The following SYT1 variants were observed in gnomAD, a reference collection of about 807,000 sequenced individuals.
SYT1 encodes the protein synaptotagmin-1.
Under a neutral mutation model 44.8 loss-of-function variants are expected in SYT1, and 8 were observed. The observed-to-expected ratio is 0.18, with a 90% CI of 0.10 to 0.32. The LOEUF (loss-of-function observed/expected upper bound fraction) is 0.32, where lower values mean the gene tolerates loss of function less well. Among genes scored for constraint, SYT1 ranks in the 10% least tolerant of loss-of-function variants. The pLI is 1.00. For synonymous variants in SYT1, 154 were observed against 188.8 expected, an observed-to-expected ratio of 0.82 and a Z score of 1.51; for missense variants, 286 against 509.3, an observed-to-expected ratio of 0.56 and a Z score of 4.22.
At chr12:79,231,355 AT>A (rs1875855519) in intron 4 of SYT1, among the ~76,000 whole-genome samples, 1 of 152,104 alleles carries the variant, frequency 6.6e-6, no homozygotes, top group Non-Finnish European at 1.5e-5. Context: ...GATTAAGAAA[AT>A]ATTGGCCCAT....
intron 1 of SYT1, among the ~76,000 whole-genome samples, chr12:78,961,746 G>T (rs985656861): frequency 1.3e-5 from 2 of 152,124 alleles, no homozygotes; most frequent in African/African-American, 2.4e-5. Flanking sequence ...CATCCTTCCA[G>T]AAGATATAAG....
chr12:79,033,616 G>T (rs1038921588), intron 2 of SYT1, among the ~76,000 whole-genome samples: 1 of 151,174 alleles, frequency 6.6e-6, no homozygotes, highest in Admixed American at 6.6e-5. Context: ...CATTGAAGGG[G>T]GATCTAGAGT....
chr12:79,335,285 G>T (rs1474943849), intron 8 of SYT1, among the ~76,000 whole-genome samples: 1 of 151,966 alleles, frequency 6.6e-6, no homozygotes, highest in East Asian at 1.9e-4. Context: ...TTTATCCACA[G>T]AAAGCCTGTT....
At chr12:79,418,448 A>G (rs972739610) in intron 9 of SYT1, among the ~76,000 whole-genome samples, 1 of 152,072 alleles carries the variant, frequency 6.6e-6, no homozygotes, top group Admixed American at 6.6e-5. Context: ...GATTCTTTTA[A>G]CCAACATGTA....
intron 9 of SYT1, among the ~76,000 whole-genome samples, chr12:79,436,400 C>T (rs1014551862): frequency 6.6e-6 from 1 of 152,126 alleles, no homozygotes; most frequent in Admixed American, 6.6e-5. Flanking sequence ...GAGGCTGTTT[C>T]TTATCAAGAG....
intron 4 of SYT1, among the ~76,000 whole-genome samples, chr12:79,250,374 G>A (rs757895723): frequency 3.3e-5 from 5 of 152,002 alleles, no homozygotes; most frequent in South Asian, 2.1e-4. Flanking sequence ...ATATTCCTCC[G>A]TATTCCTAAT....
rs566186586 is a variant in SYT1 at position 79,003,590 on chromosome 12, T to C, written c.-84+25659T>C. Among the ~76,000 whole-genome samples the C allele has an allele frequency of 3.9e-5, 6 of 152,142 alleles. No individual in the cohort carries two copies. The South Asian group carries it at 1.2e-3, about 31-fold the overall frequency. ...ATGTAGTAGTAAAATAAACCTAGTA[T>C]GCATCATTGATTGGTTGTTGCTTCT... On this transcript the variant is annotated intron_variant, in intron 2 of 10. Transcript: ENST00000261205.
chr12:79,044,627 T>A (rs538194494), intron 2 of SYT1, among the ~76,000 whole-genome samples: 20 of 149,824 alleles, frequency 1.3e-4, no homozygotes, highest in African/African-American at 4.7e-4. Flanking sequence ...TTCTCTCAGC[T>A]CGTCAAAGTC....
At chr12:79,252,034 T>C (rs1331564566) in intron 4 of SYT1, among the ~76,000 whole-genome samples, 2 of 147,382 alleles carry the variant, frequency 1.4e-5, no homozygotes, top group Non-Finnish European at 3.0e-5. Flanking sequence ...TGTGTATCTA[T>C]ATATCTATGG....
At chr12:79,321,162 T>G (rs1342151770) in intron 8 of SYT1, among the ~76,000 whole-genome samples, 2 of 152,298 alleles carry the variant, frequency 1.3e-5, no homozygotes, top group East Asian at 3.9e-4. Flanking sequence ...AATTTGCAAA[T>G]TAGGAAACTG....
At chr12:79,212,507 A>G (rs56952656) in intron 3 of SYT1, among the ~76,000 whole-genome samples, 4,204 of 151,822 alleles carry the variant, frequency 0.028, 119 homozygotes, top group East Asian at 0.12. Flanking sequence ...TGAAAAAAAA[A>G]AAAAGAAAAT....
At chr12:79,383,000 C>G (rs1884288903) in intron 9 of SYT1, among the ~76,000 whole-genome samples, 1 of 152,118 alleles carries the variant, frequency 6.6e-6, no homozygotes, top group African/African-American at 2.4e-5. Flanking sequence ...GGAAGTTTAT[C>G]CACACCTAAA....
At chr12:79,042,216 A>T (rs1352232068) in intron 2 of SYT1, among the ~76,000 whole-genome samples, 1 of 151,884 alleles carries the variant, frequency 6.6e-6, no homozygotes, top group Non-Finnish European at 1.5e-5. Flanking sequence ...GCTCCTCCTT[A>T]TACCTCTGGT....
intron 8 of SYT1, among the ~76,000 whole-genome samples, chr12:79,343,088 A>G (rs1296701511): frequency 3.9e-5 from 6 of 152,262 alleles, no homozygotes; most frequent in African/African-American, 1.2e-4. Context: ...ATTGTATTAT[A>G]GAATCCAAGG....
At chr12:79,035,954 A>C (rs4078153) in intron 2 of SYT1, among the ~76,000 whole-genome samples, 16,349 of 151,250 alleles carry the variant, frequency 0.11, 919 homozygotes, top group African/African-American at 0.15. Context: ...ACAAACAAAA[A>C]AAAAAAAAAC....
At chr12:79,086,860 G>C (rs1452025967) in intron 3 of SYT1, among the ~76,000 whole-genome samples, 1 of 152,052 alleles carries the variant, frequency 6.6e-6, no homozygotes, top group African/African-American at 2.4e-5. Flanking sequence ...GGGTATTCTT[G>C]GTAGGCCTCC....
chr12:79,220,104 C>T (rs569563319), intron 4 of SYT1, among the ~76,000 whole-genome samples: 2 of 152,064 alleles, frequency 1.3e-5, no homozygotes, highest in South Asian at 4.1e-4. Context: ...TTGTTCATTA[C>T]TGATCTATTA....
intron 4 of SYT1, among the ~76,000 whole-genome samples, chr12:79,242,613 G>A (rs1013931425): frequency 6.6e-6 from 1 of 152,134 alleles, no homozygotes; most frequent in Non-Finnish European, 1.5e-5. Context: ...TTCAGAAATT[G>A]AAGATCAGAA....
chr12:78,894,330 G>GTTTTTTTTTTTTTT lies in SYT1; in HGVS notation c.-217+29243_-217+29256dup, dbSNP rs566175647. Reference sequence around the variant, plus strand: ...AATTTATGATTGTGTTTTTTAATCTGTTTTTTTTTTTTTTTTTTTTTTTTT... The same window carrying GTTTTTTTTTTTTTT: ...AATTTATGATTGTGTTTTTTAATCTGTTTTTTTTTTTTTTTTTTTTTTTTTTTTTTTTTTTTTTT... On this transcript the variant is annotated intron_variant, in intron 1 of 10. Coordinates refer to ENST00000261205, the MANE Select transcript of SYT1 (RefSeq NM_005639.3). Among the ~76,000 whole-genome samples, 92 of 27,730 alleles carry GTTTTTTTTTTTTTT rather than the reference G, an allele frequency of 3.3e-3. 25 individuals carry two copies. Among genetic ancestry groups the GTTTTTTTTTTTTTT allele is most frequent in the Non-Finnish European group, 4.6e-3 (69 of 15,134 alleles). The allele number at this position is 27,730 out of a possible 152,430, so 18.2% of individuals were successfully genotyped here.
Sources: allele counts gnomAD v4.1 joint callset (sites outside exome capture counted in the v4.1 genomes callset), GRCh38; gene constraint gnomAD v4.1.1; transcripts MANE v1.5; gene names NCBI Gene and HGNC (gene_info 2026-07-23, HGNC 2026-07-21).